The following RNLS variants were observed in gnomAD, a reference collection of about 807,000 sequenced individuals.
RNLS encodes renalase.
Under a neutral mutation model 39.8 loss-of-function variants are expected in RNLS, and 39 were observed. The ratio of observed to expected loss-of-function variants is 0.98; its 90% confidence interval spans 0.76 to 1.28. The LOEUF (loss-of-function observed/expected upper bound fraction) is 1.28, where lower values mean the gene tolerates loss of function less well. Among genes scored for constraint, RNLS ranks in the 50% most tolerant of loss-of-function variants. The pLI, the probability that RNLS is intolerant of heterozygous loss-of-function variation, is 0.00. For synonymous variants in RNLS, 147 were observed against 150.7 expected (o/e 0.98, Z 0.18); for missense variants, 410 against 413.3 (o/e 0.99, Z 0.07).
chr10:88,578,225 T>G (rs556115860), intron 3 of RNLS, among the ~76,000 whole-genome samples: 42 of 152,278 alleles, frequency 2.8e-4, no homozygotes, highest in African/African-American at 8.9e-4. Context: ...TACAATATTC[T>G]GTAGTAAGTA....
chr10:88,254,347 C>A, the RNLS span, among the ~76,000 whole-genome samples: 1 of 152,190 alleles, frequency 6.6e-6, no homozygotes, highest in Non-Finnish European at 1.5e-5. Flanking sequence ...TCTTTCTCCC[C>A]AAACTATGAA....
At chr10:88,315,937 C>T (rs946705082) in intron 5 of RNLS, among the ~76,000 whole-genome samples, 8 of 152,052 alleles carry the variant, frequency 5.3e-5, no homozygotes, top group South Asian at 2.1e-4. Context: ...GCCAGAGACA[C>T]GCGTAAAGCT....
intron 4 of RNLS, among the ~76,000 whole-genome samples, chr10:88,424,768 C>T (rs1243378414): frequency 2.0e-5 from 3 of 151,972 alleles, no homozygotes; most frequent in Non-Finnish European, 2.9e-5. Context: ...CGCGTGAATG[C>T]AGAGTAAGGA....
At chr10:88,535,382 G>A (rs112897116) in intron 4 of RNLS, among the ~76,000 whole-genome samples, 16 of 152,008 alleles carry the variant, frequency 1.1e-4, no homozygotes, top group African/African-American at 3.9e-4. Context: ...GGTTGGAAAC[G>A]GGAGAGGGAA....
intron 4 of RNLS, among the ~76,000 whole-genome samples, chr10:88,466,139 G>A (rs1450283401): frequency 1.3e-5 from 2 of 152,098 alleles, no homozygotes; most frequent in Non-Finnish European, 2.9e-5. Flanking sequence ...GATATTAGGT[G>A]ACATTGTGGG....
the RNLS span, among the ~76,000 whole-genome samples, chr10:88,210,386 A>G: frequency 6.6e-6 from 1 of 152,236 alleles, no homozygotes; most frequent in Non-Finnish European, 1.5e-5. Flanking sequence ...TAATCTTAAT[A>G]GTGTGGATCA....
chr10:88,361,117 TG>T (rs1319155176), intron 5 of RNLS, among the ~76,000 whole-genome samples: 4 of 152,242 alleles, frequency 2.6e-5, no homozygotes, highest in Non-Finnish European at 5.9e-5. Flanking sequence ...ACATGGTGTG[TG>T]CAAGCCGGGA....
intron 5 of RNLS, among the ~76,000 whole-genome samples, chr10:88,317,050 G>A (rs912980983): frequency 7.2e-5 from 11 of 152,060 alleles, no homozygotes; most frequent in Non-Finnish European, 8.8e-5. Flanking sequence ...CCTTGGTCAC[G>A]GGGAAGTTAA....
At chr10:88,172,961 A>T in the RNLS span, among the ~76,000 whole-genome samples, 1 of 142,174 alleles carries the variant, frequency 7.0e-6, no homozygotes, top group African/African-American at 2.6e-5. Flanking sequence ...GGTTCATGCC[A>T]TTCTCCTGCC....
At chr10:88,230,184 G>A in the RNLS span, among the ~76,000 whole-genome samples, 1 of 152,162 alleles carries the variant, frequency 6.6e-6, no homozygotes, top group Non-Finnish European at 1.5e-5. Flanking sequence ...ATTTCTGTTA[G>A]AAATGAGGAA....
the RNLS span, among the ~76,000 whole-genome samples, chr10:88,258,892 TG>T: frequency 6.6e-6 from 1 of 152,192 alleles, no homozygotes. Context: ...CTGCTGTGAT[TG>T]TGAAAATGTG....
At chr10:88,181,231 T>G in the RNLS span, among the ~76,000 whole-genome samples, 1 of 152,054 alleles carries the variant, frequency 6.6e-6, no homozygotes, top group Non-Finnish European at 1.5e-5. Flanking sequence ...GCCAGGAAAT[T>G]TGGAGGTCTC....
At chr10:88,522,576 C>T (rs1589949588) in intron 4 of RNLS, among the ~76,000 whole-genome samples, 1 of 152,120 alleles carries the variant, frequency 6.6e-6, no homozygotes, top group South Asian at 2.1e-4. Context: ...ATAAGAAACA[C>T]AGGGCAATTA....
intron 3 of RNLS, 101 bp from the exon 4 acceptor site, chr10:88,573,162 G>A (rs1849958514): frequency 4.6e-6 from 5 of 1,096,168 alleles, no homozygotes; most frequent in Non-Finnish European, 6.6e-6. Flanking sequence ...TGAACAAAAT[G>A]GCCAAGACTG....
intron 4 of RNLS, among the ~76,000 whole-genome samples, chr10:88,419,775 C>T (rs555448706): frequency 2.0e-5 from 3 of 151,950 alleles, no homozygotes; most frequent in African/African-American, 4.8e-5. Context: ...GAGGCCGAGG[C>T]GGGCGGATCA....
chr10:88,511,645 G>C (rs1443602809), intron 4 of RNLS, among the ~76,000 whole-genome samples: 13 of 151,902 alleles, frequency 8.6e-5, no homozygotes, highest in Admixed American at 8.5e-4. Context: ...CGGGAATGAG[G>C]AAAACAAGAG....
chr10:88,509,966 CAT>C (rs1170113373), intron 4 of RNLS, among the ~76,000 whole-genome samples: 1 of 152,154 alleles, frequency 6.6e-6, no homozygotes. Context: ...ATAAATTTTT[CAT>C]AGTCTCCTTT....
At chr10:88,452,838 G>T (rs765714172) in intron 4 of RNLS, among the ~76,000 whole-genome samples, 1 of 152,148 alleles carries the variant, frequency 6.6e-6, no homozygotes, top group Admixed American at 6.5e-5. Context: ...ATGTTCACCA[G>T]TCAAGTAATT....
chr10:88,471,889 G>A (rs957712517), intron 4 of RNLS, among the ~76,000 whole-genome samples: 1 of 151,944 alleles, frequency 6.6e-6, no homozygotes, highest in African/African-American at 2.4e-5. Flanking sequence ...TTGGAGATCA[G>A]CAATATAGGC....
Sources: allele counts gnomAD v4.1 joint callset (sites outside exome capture counted in the v4.1 genomes callset), GRCh38; gene constraint gnomAD v4.1.1; transcripts MANE v1.5; gene names NCBI Gene and HGNC (gene_info 2026-07-23, HGNC 2026-07-21).